RNF150: variants seen among roughly 807,000 people sequenced by gnomAD.
The protein encoded by RNF150 is ring finger protein 150.
In RNF150, 24 loss-of-function variants were observed where a neutral mutation model predicts 39.3. That is an observed-to-expected ratio of 0.61 (90% CI 0.44 to 0.86). The LOEUF (loss-of-function observed/expected upper bound fraction) is 0.86, where lower values mean the gene tolerates loss of function less well. RNF150 is among the 40% of genes least tolerant of loss of function. RNF150 has a pLI of 0.00. For synonymous variants in RNF150, 255 were observed against 227.3 expected, an observed-to-expected ratio of 1.12 and a Z score of -1.10; for missense variants, 502 against 587.8, an observed-to-expected ratio of 0.85 and a Z score of 1.51.
At position 140,997,744 on chromosome 4, in the gene RNF150, T is replaced by C. The variant is rs1248314907; in HGVS notation, c.485-29871A>G. Among the ~76,000 whole-genome samples the C allele has an allele frequency of 9.7e-5, 7 of 72,072 alleles. No homozygotes were observed. In the Admixed American group the frequency reaches 1.4e-3, roughly 14 times the overall value. 47.3% of individuals were successfully genotyped at this position (72,072 alleles called of 152,430 possible). ...TGTGTATAAAAAGATACTAGCTGCA[T>C]ATGCAAGGATAGTGAATAATTATCT... On this transcript the variant is annotated intron_variant, in intron 1 of 6. Coordinates refer to ENST00000515673, the MANE Select transcript of RNF150 (RefSeq NM_020724.2).
intron 1 of RNF150, among the ~76,000 whole-genome samples, chr4:140,983,756 T>G (rs1052545507): frequency 5.3e-5 from 8 of 151,438 alleles, no homozygotes; most frequent in Non-Finnish European, 8.8e-5. Context: ...TTTTTTTTTT[T>G]TGAGACAGAT....
At chr4:140,983,472 T>C (rs920744587) in intron 1 of RNF150, among the ~76,000 whole-genome samples, 8 of 152,160 alleles carry the variant, frequency 5.3e-5, no homozygotes, top group African/African-American at 1.9e-4. Flanking sequence ...TCTTTTTTGA[T>C]ACTTTCAACA....
intron 1 of RNF150, among the ~76,000 whole-genome samples, chr4:140,981,461 C>A (rs1388489495): frequency 6.6e-6 from 1 of 152,142 alleles, no homozygotes; most frequent in East Asian, 1.9e-4. Context: ...CTAGGCCACT[C>A]ACTTGGACAA....
chr4:141,199,925 G>A (rs1728264735), intron 1 of RNF150, among the ~76,000 whole-genome samples: 1 of 152,152 alleles, frequency 6.6e-6, no homozygotes, highest in Non-Finnish European at 1.5e-5. Context: ...AATATTTATA[G>A]TGGGTAAATA....
intron 1 of RNF150, among the ~76,000 whole-genome samples, chr4:141,182,000 G>A (rs187564824): frequency 9.2e-4 from 140 of 152,230 alleles, no homozygotes; most frequent in African/African-American, 3.2e-3. Flanking sequence ...GGTCTTTCCT[G>A]TATTGATTTT....
At chr4:141,032,309 TCAAAGGGTA>T (rs911856826) in intron 1 of RNF150, among the ~76,000 whole-genome samples, 1 of 152,084 alleles carries the variant, frequency 6.6e-6, no homozygotes, top group Non-Finnish European at 1.5e-5. Flanking sequence ...ATTATGTTGG[TCAAAGGGTA>T]CAAAGCTTCA....
intron 1 of RNF150, among the ~76,000 whole-genome samples, chr4:141,084,435 A>G (rs10018636): frequency 0.75 from 114,178 of 152,024 alleles, 43,474 homozygotes; most frequent in East Asian, 1. Flanking sequence ...AAATACTAGG[A>G]ATACAATATT....
intron 6 of RNF150, among the ~76,000 whole-genome samples, chr4:140,870,980 T>TTCTC (rs146835294): frequency 1.4e-4 from 21 of 149,034 alleles, no homozygotes; most frequent in African/African-American, 2.7e-4. Flanking sequence ...ACAATAAGAA[T>TTCTC]TCTCTCTCTC....
intron 1 of RNF150, among the ~76,000 whole-genome samples, chr4:141,086,821 T>C (rs1195173290): frequency 6.6e-6 from 1 of 151,894 alleles, no homozygotes; most frequent in East Asian, 1.9e-4. Flanking sequence ...CTTGTTACAA[T>C]AATACAAAAT....
intron 1 of RNF150, among the ~76,000 whole-genome samples, chr4:140,968,934 A>G (rs1733354608): frequency 6.6e-6 from 1 of 151,970 alleles, no homozygotes; most frequent in Non-Finnish European, 1.5e-5. Context: ...ATGCAAGATG[A>G]TTAGGGCACA....
rs1186223068 is a variant in RNF150, at chr4:140,884,218, C to T, written c.1199-15839G>A. Among the ~76,000 whole-genome samples, 4 of 152,104 alleles carry T rather than the reference C, an allele frequency of 2.6e-5. No homozygotes were observed. The East Asian group carries it at 7.7e-4, about 29-fold the overall frequency. ...ATATCCAGCTGTCTATCTGTGCTCT[C>T]CTTTAATTCATTGGGCATCTTTAAG... On this transcript the variant is annotated intron_variant, in intron 6 of 6. Transcript: ENST00000515673.
chr4:141,009,966 G>A (rs1254316827), intron 1 of RNF150, among the ~76,000 whole-genome samples: 1 of 152,172 alleles, frequency 6.6e-6, no homozygotes, highest in Non-Finnish European at 1.5e-5. Flanking sequence ...ATTGAATCAG[G>A]GAGGGAGACT....
At chr4:141,070,230 T>C (rs1362102185) in intron 1 of RNF150, among the ~76,000 whole-genome samples, 1 of 152,208 alleles carries the variant, frequency 6.6e-6, no homozygotes, top group Non-Finnish European at 1.5e-5. Flanking sequence ...AAAAATCAAT[T>C]CAAAATGGAT....
chr4:141,045,358 A>G (rs963041101), intron 1 of RNF150, among the ~76,000 whole-genome samples: 1 of 152,164 alleles, frequency 6.6e-6, no homozygotes, highest in African/African-American at 2.4e-5. Flanking sequence ...CTCAATGAAC[A>G]CTTACTAGGT....
intron 1 of RNF150, among the ~76,000 whole-genome samples, chr4:141,051,899 C>G (rs923127227): frequency 1.1e-4 from 17 of 152,104 alleles, no homozygotes; most frequent in African/African-American, 3.9e-4. Context: ...CATTTTCATG[C>G]TGCTGATAAA....
chr4:141,031,845 C>CT (rs1240510232), intron 1 of RNF150, among the ~76,000 whole-genome samples: 1 of 151,970 alleles, frequency 6.6e-6, no homozygotes, highest in South Asian at 2.1e-4. Context: ...TACAAAGTTC[C>CT]TTAAAAAATT....
At chr4:140,923,226 C>G (rs1431273898) in intron 5 of RNF150, among the ~76,000 whole-genome samples, 1 of 152,106 alleles carries the variant, frequency 6.6e-6, no homozygotes, top group East Asian at 1.9e-4. Flanking sequence ...ACTCATCTGA[C>G]AAAGGGCTAA....
At chr4:140,977,010 C>A (rs1260745581) in intron 1 of RNF150, among the ~76,000 whole-genome samples, 1 of 152,058 alleles carries the variant, frequency 6.6e-6, no homozygotes, top group Non-Finnish European at 1.5e-5. Context: ...CCCTCCCACC[C>A]ACATTCTAAA....
At chr4:141,195,287 A>G (rs1202476764) in intron 1 of RNF150, among the ~76,000 whole-genome samples, 1 of 152,176 alleles carries the variant, frequency 6.6e-6, no homozygotes, top group East Asian at 1.9e-4. Context: ...TTATGTAAAA[A>G]GCCCCTGGAA....
Sources: allele counts gnomAD v4.1 joint callset (sites outside exome capture counted in the v4.1 genomes callset), GRCh38; gene constraint gnomAD v4.1.1; transcripts MANE v1.5; gene names NCBI Gene and HGNC (gene_info 2026-07-23, HGNC 2026-07-21).